Variants in GDPD4 observed in about 807,000 individuals in gnomAD.
GDPD4 encodes the protein glycerophosphodiester phosphodiesterase domain containing 4, also known as glycerophosphodiester phosphodiesterase 6.
In GDPD4, 60 loss-of-function variants were observed where a neutral mutation model predicts 67.8. That is an observed-to-expected ratio of 0.88 (90% CI 0.72 to 1.10). GDPD4 has a LOEUF of 1.10. Ranked by LOEUF, GDPD4 falls within the 50% of genes least tolerant of loss-of-function variation. The pLI is 0.00. For synonymous variants in GDPD4, 212 were observed against 210.9 expected (o/e 1.00, Z -0.04); for missense variants, 623 against 613.9 (o/e 1.01, Z -0.16).
chr11:77,252,699 G>A (rs1256616073), intron 11 of GDPD4, among the ~76,000 whole-genome samples: 1 of 152,132 alleles, frequency 6.6e-6, no homozygotes, highest in Non-Finnish European at 1.5e-5. Context: ...GGGTCTTAGT[G>A]CACTAGTTGA....
At chr11:77,268,896 C>T in intron 9 of GDPD4, 28 bp downstream of exon 9, 2 of 1,607,738 alleles carry the variant, frequency 1.2e-6, no homozygotes, top group East Asian at 4.5e-5. Context: ...TACTTATTTT[C>T]ACCCATGTTC....
At chr11:77,244,804 T>G (rs1958749208) in intron 12 of GDPD4, among the ~76,000 whole-genome samples, 1 of 152,210 alleles carries the variant, frequency 6.6e-6, no homozygotes, top group Non-Finnish European at 1.5e-5. Flanking sequence ...ACTCCCATAT[T>G]CTGAGAATTT....
At chr11:77,249,936 TC>T (rs1254254839) in intron 11 of GDPD4, among the ~76,000 whole-genome samples, 1 of 152,216 alleles carries the variant, frequency 6.6e-6, no homozygotes, top group Non-Finnish European at 1.5e-5. Context: ...AACCCACTGA[TC>T]ATTCAGAAGC....
rs922359069 is a variant in GDPD4 at position 77,268,524 on chromosome 11, T to C, written c.640A>G (p.Thr214Ala). Reference protein sequence around the residue: ...RGAPMLGPENTMMSFEKAVEH... With the variant: ...RGAPMLGPENAMMSFEKAVEH... Reference sequence around the variant, plus strand: ...ACAGCTTTCTCAAAGGACATCATGGTATTCTCAGGCCCCAACTGTAGAAGA... The same window carrying C: ...ACAGCTTTCTCAAAGGACATCATGGCATTCTCAGGCCCCAACTGTAGAAGA... Residue 214 changes from threonine (T) to alanine (A), a missense_variant, in exon 10 of 17, where the codon ACC (threonine) becomes GCC (alanine). By Grantham distance (58) the Thr-to-Ala change is moderately conservative. Coordinates refer to ENST00000315938, the MANE Select transcript of GDPD4 (RefSeq NM_182833.3). 3.7e-6 allele frequency: 6 copies of C among 1,612,260 alleles called. No homozygotes were observed. Among genetic ancestry groups the C allele is most frequent in the Non-Finnish European group, 5.1e-6 (6 of 1,178,616 alleles).
At chr11:77,266,674 T>G (rs2135867763) in intron 10 of GDPD4, among the ~76,000 whole-genome samples, 1 of 152,270 alleles carries the variant, frequency 6.6e-6, no homozygotes, top group Middle Eastern at 3.4e-3. Flanking sequence ...TAGAAGACAG[T>G]GATATGAACG....
rs114581551 is a variant in GDPD4, at chr11:77,230,424, A to C, written c.1390-1192T>G. Among the ~76,000 whole-genome samples the C allele has an allele frequency of 9.7e-3, 1,473 of 152,334 alleles. 29 individuals carry two copies. The highest frequency in any genetic ancestry group is 0.034 in the African/African-American group (1,405 of 41,566). ...GCTTTGAAAAACTCAATGAGGACAA[A>C]ATAGATCATTAAAGAATAGACAGCA... On this transcript the variant is annotated intron_variant, in intron 14 of 16. Coordinates refer to ENST00000315938, the MANE Select transcript of GDPD4 (RefSeq NM_182833.3).
At chr11:77,247,134 C>T (rs1958797044) in intron 11 of GDPD4, among the ~76,000 whole-genome samples, 1 of 152,072 alleles carries the variant, frequency 6.6e-6, no homozygotes, top group South Asian at 2.1e-4. Context: ...ACAGTATCTC[C>T]GGAAAATTGC....
chr11:77,252,054 G>GTT (rs112521564), intron 11 of GDPD4, among the ~76,000 whole-genome samples: 1 of 42,338 alleles, frequency 2.4e-5, no homozygotes, highest in Non-Finnish European at 6.5e-5. Flanking sequence ...TTGTTTGTTT[G>GTT]TTTTTTTTTT....
Position 77,300,764 on chromosome 11 carries a change from A to G in GDPD4, c.-254+841T>C, listed in dbSNP as rs191305663. 2.8e-4 allele frequency among the ~76,000 whole-genome samples: 43 copies of G among 152,326 alleles called. No individual in the cohort carries two copies. In the South Asian group the frequency reaches 5.4e-3, roughly 19 times the overall value. The stretch of plus-strand genomic sequence containing the variant: ...ATTTAACTGGAAATCAGTAAGAAAA[A>G]CAAATTGCACATTTGGGAATTAAAC... On this transcript the variant is annotated intron_variant, in intron 1 of 16. Transcript: ENST00000315938.
Position 77,258,487 on chromosome 11 carries a change from T to C in GDPD4, c.763A>G (p.Ile255Val). ...HDFDLKRTTNIGEVQPESACE... is the reference protein window; with the variant it reads ...HDFDLKRTTNVGEVQPESACE... ...GCAGATTCTGGCTGAACTTCCCCAA[T>C]ATTGGTTGTTCTTTTCAGGTCAAAG... Residue 255 changes from isoleucine (I) to valine (V), a missense_variant, in exon 11 of 17, where the codon ATT becomes GTT. By Grantham distance (29) the Ile-to-Val change is conservative (BLOSUM62 3). Coordinates refer to ENST00000315938, the MANE Select transcript of GDPD4 (RefSeq NM_182833.3). 6.2e-7 allele frequency: 1 copy of C among 1,613,834 alleles called. No homozygotes were observed. Among genetic ancestry groups the C allele is most frequent in the Non-Finnish European group, 8.5e-7 (1 of 1,179,796 alleles).
intron 5 of GDPD4, among the ~76,000 whole-genome samples, chr11:77,274,551 T>C (rs1469021212): frequency 6.6e-6 from 1 of 152,182 alleles, no homozygotes; most frequent in Non-Finnish European, 1.5e-5. Context: ...GGCTCCCCAC[T>C]TGCCTTCCAC....
intron 11 of GDPD4, among the ~76,000 whole-genome samples, chr11:77,249,402 C>T (rs760120849): frequency 6.6e-6 from 1 of 152,018 alleles, no homozygotes; most frequent in Non-Finnish European, 1.5e-5. Flanking sequence ...ATGAACGTTA[C>T]TATATTGATT....
intron 3 of GDPD4, 88 bp downstream of exon 3, chr11:77,284,997 C>A: frequency 1.0e-6 from 1 of 962,924 alleles, no homozygotes; most frequent in Non-Finnish European, 1.7e-6. Flanking sequence ...TACTATATCA[C>A]CGGATCTTTT....
At chr11:77,227,560 C>T (rs1346143441) in intron 16 of GDPD4, among the ~76,000 whole-genome samples, 1 of 152,202 alleles carries the variant, frequency 6.6e-6, no homozygotes, top group Non-Finnish European at 1.5e-5. Context: ...CTCTAAGTGC[C>T]TTGCACAAAG....
intron 16 of GDPD4, among the ~76,000 whole-genome samples, chr11:77,226,797 G>A (rs1193974989): frequency 6.6e-6 from 1 of 152,104 alleles, no homozygotes; most frequent in Non-Finnish European, 1.5e-5. Context: ...TCAGACCTGG[G>A]TAAACTTGGC....
At chr11:77,222,599 C>T (rs180734861) in intron 16 of GDPD4, among the ~76,000 whole-genome samples, 179 of 152,278 alleles carry the variant, frequency 1.2e-3, no homozygotes, top group African/African-American at 3.9e-3. Flanking sequence ...CTGAGAGATC[C>T]GCTGTTAGTC....
At chr11:77,248,353 C>A (rs146280875) in intron 11 of GDPD4, among the ~76,000 whole-genome samples, 1 of 151,758 alleles carries the variant, frequency 6.6e-6, no homozygotes. Context: ...CAGGCATGCA[C>A]GATGACGCCC....
chr11:77,265,994 T>G lies in GDPD4; in HGVS notation c.707+2463A>C, dbSNP rs185469899. 9.0e-3 allele frequency among the ~76,000 whole-genome samples: 1,368 copies of G among 152,326 alleles called. 10 individuals carry two copies. The highest frequency in any genetic ancestry group is 0.027 in the Middle Eastern group (8 of 294). ...ATAGCAGCATGTTTCAATAGTTCATTCATTTTTATTGCTGGGTAATATTCC... is the reference window on the plus strand; with the variant it reads ...ATAGCAGCATGTTTCAATAGTTCATGCATTTTTATTGCTGGGTAATATTCC... On this transcript the variant is annotated intron_variant, in intron 10 of 16. Coordinates refer to ENST00000315938, the MANE Select transcript of GDPD4 (RefSeq NM_182833.3).
chr11:77,219,102 ATC>A (rs1958179754), intron 16 of GDPD4, among the ~76,000 whole-genome samples: 1 of 152,180 alleles, frequency 6.6e-6, no homozygotes, highest in Non-Finnish European at 1.5e-5. Flanking sequence ...GTGAGATGGT[ATC>A]TCATTGTGGT....
Sources: gnomAD v4.1 joint callset for allele counts (sites outside exome capture counted in the v4.1 genomes callset) on GRCh38, gnomAD v4.1.1 for gene constraint, MANE v1.5 for transcripts, NCBI Gene and HGNC (gene_info 2026-07-23, HGNC 2026-07-21) for gene names.